The following SPATA6L variants were observed in gnomAD, a reference collection of about 807,000 sequenced individuals.
The protein encoded by SPATA6L is spermatogenesis associated 6 like, also known as spermatogenesis associated 6-like protein.
SPATA6L carries 68 observed loss-of-function variants against 49.2 expected under a neutral mutation model. The observed-to-expected ratio is 1.38, with a 90% CI of 1.14 to 1.69. The LOEUF (loss-of-function observed/expected upper bound fraction) is 1.69. Among genes scored for constraint, SPATA6L ranks in the 40% most tolerant of loss-of-function variants. The pLI is 0.00. For missense variants in SPATA6L, 668 were observed against 464.3 expected (o/e 1.44, Z -4.03); for synonymous variants, 198 against 165.7 (o/e 1.19, Z -1.50).
chr9:4,592,631 C>A (rs1821981449), intron 13 of SPATA6L, among the ~76,000 whole-genome samples: 2 of 152,190 alleles, frequency 1.3e-5, no homozygotes, highest in Non-Finnish European at 2.9e-5. Context: ...AATTATAACT[C>A]AAGTCTGGGG....
downstream of SPATA6L, among the ~76,000 whole-genome samples, chr9:4,596,174 C>A (rs191011378): frequency 3.3e-4 from 51 of 152,276 alleles, no homozygotes; most frequent in African/African-American, 1.2e-3. Context: ...TTCAAGAGGG[C>A]ACGGGTTGAA....
chr9:4,651,544 C>T (rs1445551851), intron 3 of SPATA6L, among the ~76,000 whole-genome samples: 1 of 152,120 alleles, frequency 6.6e-6, no homozygotes, highest in Non-Finnish European at 1.5e-5. Context: ...AACAAGAAAA[C>T]AAAACTACAG....
At chr9:4,600,882 A>G (rs774883301) in intron 11 of SPATA6L, 73 bp from the exon 12 acceptor site, 1 of 152,238 alleles carries the variant, frequency 6.6e-6, no homozygotes, top group Non-Finnish European at 1.5e-5. Flanking sequence ...AAGTAAGGAG[A>G]AAAAGATAAT....
intron 6 of SPATA6L, among the ~76,000 whole-genome samples, chr9:4,622,908 C>T (rs1829649568): frequency 6.6e-6 from 1 of 152,142 alleles, no homozygotes; most frequent in Admixed American, 6.5e-5. Context: ...TCAGTGACAG[C>T]AAGGGATTCC....
intron 4 of SPATA6L, among the ~76,000 whole-genome samples, 178 bp from the exon 5 acceptor site, chr9:4,629,346 T>A (rs1335192924): frequency 6.6e-6 from 1 of 152,150 alleles, no homozygotes; most frequent in Non-Finnish European, 1.5e-5. Flanking sequence ...ATATATTATG[T>A]ATCAGAGCCA....
intron 3 of SPATA6L, among the ~76,000 whole-genome samples, chr9:4,644,685 T>TCTCTCA (rs1438618515): frequency 0.011 from 1,238 of 107,688 alleles, 9 homozygotes; most frequent in Non-Finnish European, 0.016. Flanking sequence ...TCTCTCTCTC[T>TCTCTCA]CACACACACA....
At chr9:4,589,551 A>AT (rs1324650308) in intron 13 of SPATA6L, among the ~76,000 whole-genome samples, 1 of 152,180 alleles carries the variant, frequency 6.6e-6, no homozygotes, top group African/African-American at 2.4e-5. Context: ...ATCAAACTTA[A>AT]TTTTTTCTAT....
chr9:4,623,927 G>C (rs115871553), intron 6 of SPATA6L, among the ~76,000 whole-genome samples: 1 of 152,272 alleles, frequency 6.6e-6, no homozygotes, highest in East Asian at 1.9e-4. Flanking sequence ...TCATTATCCA[G>C]GCCACCAAGC....
intron 5 of SPATA6L, chr9:4,626,233 AT>A: frequency 2.7e-6 from 1 of 375,496 alleles, no homozygotes. Flanking sequence ...ATGGCTCCAG[AT>A]TATAGCCTTT....
intron 9 of SPATA6L, among the ~76,000 whole-genome samples, chr9:4,612,075 A>G (rs1826893783): frequency 6.6e-6 from 1 of 151,880 alleles, no homozygotes; most frequent in Admixed American, 6.6e-5. Context: ...CCTGGGCTCA[A>G]GGGATCCTTC....
intron 2 of SPATA6L, among the ~76,000 whole-genome samples, chr9:4,661,612 CA>C (rs2130798078): frequency 6.6e-6 from 1 of 152,178 alleles, no homozygotes; most frequent in South Asian, 2.1e-4. Context: ...CTAACACCTC[CA>C]AAAACATTCA....
intron 2 of SPATA6L, 147 bp downstream of exon 2, chr9:4,661,752 G>C: frequency 3.2e-6 from 3 of 936,852 alleles, no homozygotes; most frequent in Non-Finnish European, 4.5e-6. Context: ...CAAGTGTTCC[G>C]ACTGCGGTTT....
At chr9:4,598,134 T>G (rs960225722), downstream of SPATA6L, among the ~76,000 whole-genome samples, 1 of 151,996 alleles carries the variant, frequency 6.6e-6, no homozygotes, top group Non-Finnish European at 1.5e-5. Context: ...CACAGAGAAC[T>G]GGCCTCATTG....
chr9:4,595,463 T>A (rs982472164), downstream of SPATA6L, among the ~76,000 whole-genome samples: 3 of 152,220 alleles, frequency 2.0e-5, no homozygotes, highest in Non-Finnish European at 4.4e-5. Flanking sequence ...AGATTAATAC[T>A]TTGCTTTCTG....
chr9:4,648,433 C>T (rs1835940962), intron 3 of SPATA6L, among the ~76,000 whole-genome samples: 1 of 152,148 alleles, frequency 6.6e-6, no homozygotes, highest in Admixed American at 6.5e-5. Context: ...GGCACCGTGG[C>T]TCACGCCTGT....
chr9:4,590,723 C>T (rs764114831), intron 13 of SPATA6L, among the ~76,000 whole-genome samples: 2 of 152,260 alleles, frequency 1.3e-5, no homozygotes, highest in East Asian at 3.9e-4. Context: ...TAGAGAGAAA[C>T]TTGCCTCACA....
chr9:4,638,006 A>G (rs1024282331), intron 3 of SPATA6L, among the ~76,000 whole-genome samples: 2 of 152,220 alleles, frequency 1.3e-5, no homozygotes, highest in African/African-American at 4.8e-5. Context: ...AGAACCTCCT[A>G]TGTAGTAAGA....
chr9:4,661,007 A>C (rs1839560438), intron 2 of SPATA6L, among the ~76,000 whole-genome samples: 1 of 152,170 alleles, frequency 6.6e-6, no homozygotes, highest in African/African-American at 2.4e-5. Context: ...CAGGGTGGGG[A>C]ACATCACACA....
At chr9:4,597,537 G>C (rs1484187727), downstream of SPATA6L, among the ~76,000 whole-genome samples, 6 of 152,166 alleles carry the variant, frequency 3.9e-5, no homozygotes, top group Non-Finnish European at 8.8e-5. Flanking sequence ...TCCTGTCCTA[G>C]ACATGACCCT....
Sources: gnomAD v4.1 joint callset for allele counts (sites outside exome capture counted in the v4.1 genomes callset) on GRCh38, gnomAD v4.1.1 for gene constraint, MANE v1.5 for transcripts, NCBI Gene and HGNC (gene_info 2026-07-23, HGNC 2026-07-21) for gene names.